Variants in ASIC2 observed in about 807,000 individuals in gnomAD.
ASIC2 encodes acid sensing ion channel subunit 2.
Under a neutral mutation model 57.3 loss-of-function variants are expected in ASIC2, and 25 were observed. That is an observed-to-expected ratio of 0.44 (90% CI 0.32 to 0.61). ASIC2 has a LOEUF of 0.61. Ranked by LOEUF, ASIC2 falls within the 20% of genes least tolerant of loss-of-function variation. The probability of loss-of-function intolerance (pLI) is 0.06; values close to 1 mark genes in which losing one functional copy is unlikely to be tolerated. For missense variants in ASIC2, 641 were observed against 738.1 expected (o/e 0.87, Z 1.52); for synonymous variants, 319 against 307.5 (o/e 1.04, Z -0.39).
intron 1 of ASIC2, among the ~76,000 whole-genome samples, chr17:33,501,273 G>A (rs549180356): frequency 1.3e-5 from 2 of 152,208 alleles, no homozygotes; most frequent in Non-Finnish European, 2.9e-5. Context: ...GTGTCTCATT[G>A]TATGCACGTC....
At chr17:33,463,227 A>G (rs1049164553) in intron 1 of ASIC2, among the ~76,000 whole-genome samples, 1 of 152,100 alleles carries the variant, frequency 6.6e-6, no homozygotes, top group Non-Finnish European at 1.5e-5. Context: ...ACTTAAACCA[A>G]TGGAGTAGGT....
At chr17:33,031,216 A>G (rs183357079) in intron 3 of ASIC2, among the ~76,000 whole-genome samples, 41 of 152,064 alleles carry the variant, frequency 2.7e-4, no homozygotes, top group African/African-American at 8.4e-4. Context: ...CAGATTTTCT[A>G]TTTTTGTTCT....
chr17:33,735,714 C>T (rs777727922), intron 1 of ASIC2, among the ~76,000 whole-genome samples: 2 of 152,108 alleles, frequency 1.3e-5, no homozygotes, highest in Admixed American at 6.5e-5. Flanking sequence ...GGCTACCCAC[C>T]TCCATTGAGC....
chr17:34,043,062 T>A (rs1908196956), intron 1 of ASIC2, among the ~76,000 whole-genome samples: 2 of 152,180 alleles, frequency 1.3e-5, no homozygotes, highest in South Asian at 4.1e-4. Flanking sequence ...TGATTTTACA[T>A]GCAGAAGGAT....
chr17:33,294,225 A>G (rs375898634), upstream of ASIC2, among the ~76,000 whole-genome samples: 4 of 152,196 alleles, frequency 2.6e-5, no homozygotes, highest in South Asian at 2.1e-4. Context: ...TTTTCCAGAC[A>G]TTATCCGGAG....
At chr17:33,192,626 A>G (rs1906473005) in intron 1 of ASIC2, among the ~76,000 whole-genome samples, 1 of 152,168 alleles carries the variant, frequency 6.6e-6, no homozygotes. Flanking sequence ...CTTGTGAAGA[A>G]GCAACCATGG....
chr17:33,263,850 C>A (rs374435836), intron 1 of ASIC2, among the ~76,000 whole-genome samples: 1 of 152,244 alleles, frequency 6.6e-6, no homozygotes, highest in East Asian at 1.9e-4. Context: ...CCCTTCTGCG[C>A]GGGACAGAGG....
At chr17:33,232,213 C>T (rs756854262) in intron 1 of ASIC2, among the ~76,000 whole-genome samples, 71 of 152,198 alleles carry the variant, frequency 4.7e-4, no homozygotes, top group Middle Eastern at 3.4e-3. Flanking sequence ...AGAGAAACTT[C>T]CTTTTCCCGT....
chr17:33,218,976 T>C (rs1040928904), intron 1 of ASIC2, among the ~76,000 whole-genome samples: 4 of 152,226 alleles, frequency 2.6e-5, no homozygotes, highest in African/African-American at 9.7e-5. Context: ...TTTGGTATTT[T>C]CTCCAGCTAT....
chr17:33,691,861 G>A (rs1432370493), intron 1 of ASIC2, among the ~76,000 whole-genome samples: 3 of 151,960 alleles, frequency 2.0e-5, no homozygotes, highest in East Asian at 1.9e-4. Context: ...CTACAACTAC[G>A]GGTAACTTAA....
intron 1 of ASIC2, among the ~76,000 whole-genome samples, chr17:34,131,648 C>A (rs1911967200): frequency 6.6e-6 from 1 of 152,224 alleles, no homozygotes. Flanking sequence ...AGCCTAAACC[C>A]TGTCCACAAA....
chr17:33,089,304 G>A (rs545653868), intron 2 of ASIC2, among the ~76,000 whole-genome samples: 1 of 152,256 alleles, frequency 6.6e-6, no homozygotes, highest in African/African-American at 2.4e-5. Flanking sequence ...AGAGAGAATG[G>A]AAAAATGCTA....
At chr17:33,081,981 G>T (rs989564494) in intron 3 of ASIC2, among the ~76,000 whole-genome samples, 4 of 152,174 alleles carry the variant, frequency 2.6e-5, no homozygotes, top group African/African-American at 9.6e-5. Flanking sequence ...TAGATGCAAG[G>T]TGTTGTGTGA....
chr17:33,273,227 AAT>A (rs1567806432), intron 1 of ASIC2, among the ~76,000 whole-genome samples: 1 of 152,250 alleles, frequency 6.6e-6, no homozygotes, highest in African/African-American at 2.4e-5. Flanking sequence ...AGTAGAAAAA[AAT>A]AGATTACTAG....
rs1437143390 is a variant in ASIC2, at chr17:33,118,228, G to T, written c.709-6161C>A. 2.6e-5 allele frequency among the ~76,000 whole-genome samples: 4 copies of T among 152,160 alleles called. No individual in the cohort carries two copies. In the East Asian group the frequency reaches 7.7e-4, roughly 29 times the overall value. On this transcript the variant is annotated intron_variant, in intron 1 of 9. Coordinates refer to ENST00000225823, the MANE Select transcript of ASIC2 (RefSeq NM_183377.2). ...GTAGAATAAGGAGAGAGTCTCATTG[G>T]TCCTCCAGTAACTCTTCAAGTAGCT...
At chr17:33,534,908 C>G (rs1915175934) in intron 1 of ASIC2, among the ~76,000 whole-genome samples, 1 of 152,236 alleles carries the variant, frequency 6.6e-6, no homozygotes, top group African/African-American at 2.4e-5. Flanking sequence ...TGGAATGGAT[C>G]ACAAATAATA....
chr17:33,649,078 G>T (rs551113358), intron 1 of ASIC2, among the ~76,000 whole-genome samples: 2 of 152,100 alleles, frequency 1.3e-5, no homozygotes, highest in East Asian at 1.9e-4. Flanking sequence ...GGCCAGAAAA[G>T]AAAATAAAAG....
In ASIC2 at chr17:33,933,513, T is replaced by A. The variant is rs151193928; in HGVS notation, c.555+222465A>T. Among the ~76,000 whole-genome samples the A allele has an allele frequency of 2.7e-3, 406 of 152,132 alleles. 2 individuals carry two copies. Among genetic ancestry groups the A allele is most frequent in the African/African-American group, 9.0e-3 (373 of 41,490 alleles). ...AAGCTCAGGCTTGGAAAGAGGTGAG[T>A]ACGGGACAGAGCAGGAATTGATTTC... On this transcript the variant is annotated intron_variant, in intron 1 of 9. Coordinates refer to the ASIC2 transcript ENST00000359872.
chr17:33,095,048 T>A (rs2092172712), intron 2 of ASIC2, among the ~76,000 whole-genome samples: 1 of 152,250 alleles, frequency 6.6e-6, no homozygotes, highest in Non-Finnish European at 1.5e-5. Context: ...AAATGGATTG[T>A]TCTTCATAGA....
Sources: gnomAD v4.1 joint callset for allele counts (sites outside exome capture counted in the v4.1 genomes callset) on GRCh38, gnomAD v4.1.1 for gene constraint, MANE v1.5 for transcripts, NCBI Gene and HGNC (gene_info 2026-07-23, HGNC 2026-07-21) for gene names.